DEPTOR: variants seen among roughly 807,000 people sequenced by gnomAD.
DEPTOR encodes DEP domain-containing mTOR-interacting protein.
In DEPTOR, 41 loss-of-function variants were observed where a neutral mutation model predicts 41.6. The ratio of observed to expected loss-of-function variants is 0.98; its 90% CI spans 0.77 to 1.28. DEPTOR has a LOEUF of 1.28. Ranked by LOEUF, DEPTOR falls within the 50% of genes most tolerant of loss-of-function variation. The pLI is 0.00. For missense variants in DEPTOR, 514 were observed against 527.9 expected (o/e 0.97, Z 0.26); for synonymous variants, 195 against 192.3 (o/e 1.01, Z -0.12).
chr8:119,941,389 A>G (rs1333109703), intron 3 of DEPTOR, among the ~76,000 whole-genome samples: 1 of 151,542 alleles, frequency 6.6e-6, no homozygotes, highest in African/African-American at 2.4e-5. Flanking sequence ...AAAAAAAAAA[A>G]AAAAAAAAGG....
At chr8:119,926,528 G>T (rs1362743836) in intron 1 of DEPTOR, among the ~76,000 whole-genome samples, 1 of 152,200 alleles carries the variant, frequency 6.6e-6, no homozygotes, top group Middle Eastern at 3.4e-3. Flanking sequence ...AGTATAAGTA[G>T]GTCCCATGCA....
chr8:120,044,901 G>A (rs554711736), intron 8 of DEPTOR, among the ~76,000 whole-genome samples: 1 of 152,288 alleles, frequency 6.6e-6, no homozygotes, highest in East Asian at 1.9e-4. Context: ...CAAAGATGCT[G>A]GTATTTATTA....
chr8:119,880,099 G>A (rs1251849201), intron 1 of DEPTOR, among the ~76,000 whole-genome samples: 3 of 148,884 alleles, frequency 2.0e-5, no homozygotes, highest in South Asian at 4.3e-4. Flanking sequence ...CCGAGATTGC[G>A]CCACTGCACT....
At chr8:119,939,755 G>T (rs1828177340) in intron 3 of DEPTOR, among the ~76,000 whole-genome samples, 1 of 152,046 alleles carries the variant, frequency 6.6e-6, no homozygotes, top group Middle Eastern at 3.2e-3. Context: ...AACTACAGGT[G>T]TGAGCCACCA....
intron 1 of DEPTOR, among the ~76,000 whole-genome samples, chr8:119,890,870 G>A (rs756682761): frequency 2.0e-5 from 3 of 152,130 alleles, no homozygotes; most frequent in Non-Finnish European, 4.4e-5. Context: ...AAGTAGCCCT[G>A]TAAAATATCA....
chr8:119,951,412 G>A (rs1828353088), intron 3 of DEPTOR, among the ~76,000 whole-genome samples: 1 of 152,062 alleles, frequency 6.6e-6, no homozygotes, highest in South Asian at 2.1e-4. Context: ...GTTGAATGTG[G>A]CCTTTTAGGA....
At chr8:119,963,362 T>G (rs1391245409) in intron 3 of DEPTOR, among the ~76,000 whole-genome samples, 13 of 151,932 alleles carry the variant, frequency 8.6e-5, no homozygotes, top group Admixed American at 7.2e-4. Flanking sequence ...GTTTTGTTTT[T>G]TTTTTTGAGA....
chr8:119,959,971 C>T (rs562749044), intron 3 of DEPTOR, among the ~76,000 whole-genome samples: 33 of 151,964 alleles, frequency 2.2e-4, no homozygotes, highest in Non-Finnish European at 3.2e-4. Context: ...GGCTCACACC[C>T]GTAATCCCAG....
At chr8:119,982,022 A>AG (rs1828775785) in intron 4 of DEPTOR, among the ~76,000 whole-genome samples, 1 of 150,898 alleles carries the variant, frequency 6.6e-6, no homozygotes, top group East Asian at 1.9e-4. Context: ...TCTAAAAAAA[A>AG]AAAAAAAAAA....
intron 4 of DEPTOR, among the ~76,000 whole-genome samples, chr8:119,987,958 T>C (rs1406693323): frequency 6.6e-6 from 1 of 152,116 alleles, no homozygotes; most frequent in Non-Finnish European, 1.5e-5. Flanking sequence ...CTGGGCTCCA[T>C]TGGGTTGGGA....
At chr8:119,929,257 C>T (rs940987079) in intron 2 of DEPTOR, among the ~76,000 whole-genome samples, 6 of 152,124 alleles carry the variant, frequency 3.9e-5, no homozygotes, top group Admixed American at 2.6e-4. Flanking sequence ...AATACCCTTT[C>T]GCCTCATTTT....
chr8:119,957,015 G>GCATGATTCA (rs1423610035), intron 3 of DEPTOR, among the ~76,000 whole-genome samples: 8 of 152,116 alleles, frequency 5.3e-5, no homozygotes, highest in Admixed American at 6.6e-5. Flanking sequence ...GGGATTACAG[G>GCATGATTCA]CATGATTCAC....
At chr8:119,937,811 GT>G (rs1563970676) in intron 3 of DEPTOR, among the ~76,000 whole-genome samples, 2 of 152,280 alleles carry the variant, frequency 1.3e-5, no homozygotes, top group African/African-American at 4.8e-5. Context: ...GAACAGCACA[GT>G]GAGGGGCAAG....
chr8:119,873,795 C>T lies in DEPTOR; in HGVS notation c.-52C>T. The stretch of plus-strand genomic sequence containing the variant: ...TGTGAGGGCAGACTGATCCGAGCAC[C>T]CAAACCCTCGGCGGACAGCGGAGCC... On this transcript the variant is annotated 5_prime_UTR_variant, in exon 1 of 9. Transcript: ENST00000286234. 7.5e-6 allele frequency: 12 copies of T among 1,604,172 alleles called. No homozygotes were observed. The highest frequency in any genetic ancestry group is 9.4e-6 in the Non-Finnish European group (11 of 1,175,428).
intron 1 of DEPTOR, among the ~76,000 whole-genome samples, chr8:119,886,101 A>G (rs1827360463): frequency 6.6e-6 from 1 of 152,220 alleles, no homozygotes; most frequent in African/African-American, 2.4e-5. Context: ...AGAAACAATC[A>G]GCTTAAACTG....
intron 4 of DEPTOR, among the ~76,000 whole-genome samples, chr8:119,970,548 CCTA>C (rs1188171982): frequency 6.6e-6 from 1 of 152,182 alleles, no homozygotes; most frequent in Admixed American, 6.5e-5. Context: ...GGCTTTTTCA[CCTA>C]CTAAGTGGCC....
At chr8:120,020,989 G>A (rs1812698849) in intron 8 of DEPTOR, among the ~76,000 whole-genome samples, 1 of 151,204 alleles carries the variant, frequency 6.6e-6, no homozygotes, top group Non-Finnish European at 1.5e-5. Flanking sequence ...AACCTTGGAG[G>A]CAGAGGTTGC....
chr8:119,980,136 T>C (rs1426143357), intron 4 of DEPTOR, among the ~76,000 whole-genome samples: 1 of 151,800 alleles, frequency 6.6e-6, no homozygotes, highest in African/African-American at 2.4e-5. Context: ...ACATATGTGA[T>C]TTTAAATTTT....
At chr8:119,999,366 C>A (rs1184316988) in intron 4 of DEPTOR, among the ~76,000 whole-genome samples, 1 of 152,132 alleles carries the variant, frequency 6.6e-6, no homozygotes, top group Non-Finnish European at 1.5e-5. Flanking sequence ...AAGACACTTA[C>A]TTAAGGTCAT....
Sources: allele counts gnomAD v4.1 joint callset (sites outside exome capture counted in the v4.1 genomes callset), GRCh38; gene constraint gnomAD v4.1.1; transcripts MANE v1.5; gene names NCBI Gene and HGNC (gene_info 2026-07-23, HGNC 2026-07-21).